Variants in ZNF729 observed in about 807,000 individuals in gnomAD.
ZNF729 encodes zinc finger protein 729.
Under a neutral mutation model 12.2 loss-of-function variants are expected in ZNF729, and 15 were observed. The observed-to-expected ratio is 1.23, with a 90% CI of 0.82 to 1.89. The LOEUF (loss-of-function observed/expected upper bound fraction) is 1.89, where lower values mean the gene tolerates loss of function less well. ZNF729 is among the 40% of genes most tolerant of loss of function. The pLI is 0.00. For synonymous variants in ZNF729, 492 were observed against 476.3 expected, an observed-to-expected ratio of 1.03 and a Z score of -0.43; for missense variants, 1,540 against 1,456.7, an observed-to-expected ratio of 1.06 and a Z score of -0.93.
At chr19:22,302,310 C>G (rs899269602) in intron 1 of ZNF729, among the ~76,000 whole-genome samples, 31 of 152,298 alleles carry the variant, frequency 2.0e-4, no homozygotes, top group African/African-American at 7.0e-4. Context: ...AACTTATAGT[C>G]TAGACTAGCA....
chr19:22,306,118 A>C (rs768073416), intron 3 of ZNF729, among the ~76,000 whole-genome samples: 4 of 152,106 alleles, frequency 2.6e-5, no homozygotes, highest in Non-Finnish European at 5.9e-5. Context: ...TAGTTTAAAA[A>C]ATTTATATTT....
rs757348677 is a variant in ZNF729, at chr19:22,314,843, A to G, written c.1426A>G (p.Thr476Ala). 16 of 1,613,606 alleles carry G rather than the reference A, an allele frequency of 9.9e-6. No individual in the cohort carries two copies. The Admixed American group carries it at 1.7e-4, about 17-fold the overall frequency. The change falls in exon 4 of 4, where the codon ACT becomes GCT. Residue 476 changes from threonine (T) to alanine (A), a missense_variant. Physicochemically the swap from Thr to Ala is moderately conservative, Grantham distance 58. Transcript: ENST00000601693. ...GKAFRQSSHLTRHKAIHTGEK... is the reference protein window; with the variant it reads ...GKAFRQSSHLARHKAIHTGEK... Reference sequence around the variant, plus strand: ...AGCTTTTAGGCAATCCTCACACCTTACTAGACATAAAGCAATTCATACTGG... The same window carrying G: ...AGCTTTTAGGCAATCCTCACACCTTGCTAGACATAAAGCAATTCATACTGG...
At position 22,303,847 on chromosome 19, in the gene ZNF729, T is replaced by C; in HGVS notation, c.120T>C (p.Asp40=). The C allele has an allele frequency of 2.5e-6, 4 of 1,573,720 alleles. No individual in the cohort carries two copies. Among genetic ancestry groups the C allele is most frequent in the Non-Finnish European group, 3.5e-6 (4 of 1,154,940 alleles). ...CGGTTCAGCAGAATTTATATAGGGA[T>C]GTGATGTTAGAGAACTACAGAAACC... ...LDTVQQNLYR[D]VMLENYRNLV... is the part of the protein sequence containing the mutation. The change falls in exon 2 of 4, where the codon GAT becomes GAC. Residue 40 remains aspartate (D), a synonymous_variant. Coordinates refer to ENST00000601693, the MANE Select transcript of ZNF729 (RefSeq NM_001242680.2).
At chr19:22,303,622 T>C (rs1599756048) in intron 1 of ZNF729, 136 bp from the exon 2 acceptor site, 3 of 758,844 alleles carry the variant, frequency 4.0e-6, no homozygotes, top group Non-Finnish European at 3.8e-6. Context: ...GAAAATTATT[T>C]TATTGGATAT....
At chr19:22,312,686 A>G (rs1279581632) in intron 3 of ZNF729, among the ~76,000 whole-genome samples, 2 of 152,084 alleles carry the variant, frequency 1.3e-5, no homozygotes, top group Non-Finnish European at 2.9e-5. Context: ...GAAGCCAGAA[A>G]TAAATATATA....
intron 1 of ZNF729, among the ~76,000 whole-genome samples, chr19:22,293,680 G>T (rs931619768): frequency 2.0e-5 from 3 of 151,526 alleles, no homozygotes; most frequent in Non-Finnish European, 2.9e-5. Context: ...TTTTAGTAAA[G>T]ACAGGGTTTC....
rs1968484936 is a variant in ZNF729, at chr19:22,314,002, A to C, written c.585A>C (p.Leu195Phe). ...CSKSFFMLSC[L>F]IRHKRIHIRQ... The stretch of plus-strand genomic sequence containing the variant: ...AATCATTTTTCATGCTTTCATGCTT[A>C]ATTCGACATAAGAGAATTCATATTA... The change falls in exon 4 of 4, where the codon TTA becomes TTC. Residue 195 changes from leucine to phenylalanine, a missense_variant. Leu to Phe is a conservative substitution (Grantham distance 22, BLOSUM62 0). Transcript: ENST00000601693. The C allele has an allele frequency of 6.5e-7, 1 of 1,540,800 alleles. No individual in the cohort carries two copies. The highest frequency in any genetic ancestry group is 8.7e-7 in the Non-Finnish European group (1 of 1,146,282).
At chr19:22,302,321 A>G (rs1968320077) in intron 1 of ZNF729, among the ~76,000 whole-genome samples, 1 of 152,312 alleles carries the variant, frequency 6.6e-6, no homozygotes. Context: ...TAGACTAGCA[A>G]CTGGGTACAT....
At position 22,315,658 on chromosome 19, in the gene ZNF729, A is replaced by G. The variant is rs1488894925; in HGVS notation, c.2241A>G (p.Lys747=). 6.2e-7 allele frequency: 1 copy of G among 1,608,596 alleles called. No individual in the cohort carries two copies. The highest frequency in any genetic ancestry group is 1.1e-5 in the South Asian group (1 of 91,008). The change falls in exon 4 of 4, where the codon AAA becomes AAG. Residue 747 remains lysine, a synonymous_variant. Transcript: ENST00000601693. ...CCTGCAAATGTGAAGAATGTGGCAA[A>G]TCTTTTAAGCATTTCTCAGCCCTTA... ...EKPCKCEECG[K]SFKHFSALRK...
At chr19:22,312,984 A>AT in intron 3 of ZNF729, among the ~76,000 whole-genome samples, 1 of 152,142 alleles carries the variant, frequency 6.6e-6, no homozygotes, top group South Asian at 2.1e-4. Context: ...AAGTGCTGGG[A>AT]TTACAGGCAT....
At chr19:22,303,636 C>G (rs1446408310) in intron 1 of ZNF729, 122 bp from the exon 2 acceptor site, 2 of 862,024 alleles carry the variant, frequency 2.3e-6, no homozygotes, top group Non-Finnish European at 3.3e-6. Flanking sequence ...TGGATATGTT[C>G]GGTCATCCCT....
At chr19:22,312,519 C>G (rs1487596810) in intron 3 of ZNF729, among the ~76,000 whole-genome samples, 1 of 151,250 alleles carries the variant, frequency 6.6e-6, no homozygotes, top group African/African-American at 2.4e-5. Context: ...CAATAGTAAT[C>G]ACTTGCTACA....
intron 1 of ZNF729, among the ~76,000 whole-genome samples, chr19:22,293,641 C>T (rs1278125517): frequency 1.3e-5 from 2 of 151,272 alleles, no homozygotes; most frequent in Non-Finnish European, 2.9e-5. Context: ...TATAGGTGTC[C>T]ACCACCACAC....
At position 22,313,853 on chromosome 19, in the gene ZNF729, A is replaced by G. The variant is rs962717719; in HGVS notation, c.436A>G (p.Arg146Gly). 3.8e-6 allele frequency: 6 copies of G among 1,570,810 alleles called. No homozygotes were observed. Among genetic ancestry groups the G allele is most frequent in the African/African-American group, 1.4e-5 (1 of 73,986 alleles). The change falls in exon 4 of 4, where the codon AGG (arginine) becomes GGG (glycine). Residue 146 changes from arginine (R) to glycine (G), a missense_variant. Arg to Gly is a moderately radical substitution (Grantham distance 125). Coordinates refer to ENST00000601693, the MANE Select transcript of ZNF729 (RefSeq NM_001242680.2). ...AGGTTATAATAAACTTAACCAATGCAGGACAGCTACCCAGAGAAAAATATT... is the reference window on the plus strand; with the variant it reads ...AGGTTATAATAAACTTAACCAATGCGGGACAGCTACCCAGAGAAAAATATT... Reference protein sequence around the residue: ...KEGYNKLNQCRTATQRKIFQC... With the variant: ...KEGYNKLNQCGTATQRKIFQC...
Position 22,316,169 on chromosome 19 carries a change from A to G in ZNF729, c.2752A>G (p.Lys918Glu). 6.3e-7 allele frequency: 1 copy of G among 1,581,190 alleles called. No individual in the cohort carries two copies. The highest frequency in any genetic ancestry group is 8.7e-7 in the Non-Finnish European group (1 of 1,154,978). The part of the protein sequence containing the change: ...CKCEECGKAF[K>E]HFSALRKHKI... ...ATGTGAAGAATGTGGCAAAGCTTTT[A>G]AGCATTTCTCAGCCCTTAGAAAACA... The change falls in exon 4 of 4, where the codon AAG becomes GAG. Residue 918 changes from lysine to glutamate, a missense_variant. Physicochemically the swap from Lys to Glu is moderately conservative, Grantham distance 56. Transcript: ENST00000601693.
chr19:22,286,557 T>C lies in ZNF729; in HGVS notation c.30+2T>C. 1.2e-6 allele frequency: 2 copies of C among 1,613,556 alleles called. No individual in the cohort carries two copies. Among genetic ancestry groups the C allele is most frequent in the Non-Finnish European group, 1.7e-6 (2 of 1,179,904 alleles). On this transcript the variant is annotated splice_donor_variant, in intron 1 of 3. Coordinates refer to ENST00000601693, the MANE Select transcript of ZNF729 (RefSeq NM_001242680.2). LOFTEE classifies it high-confidence loss of function. Reference sequence around the variant, plus strand: ...GGTGCCCCTGGCAGCCTAGAAATGGTGAGAGTGCCGGGTCCGACATCCCGA... The same window carrying C: ...GGTGCCCCTGGCAGCCTAGAAATGGCGAGAGTGCCGGGTCCGACATCCCGA...
intron 1 of ZNF729, among the ~76,000 whole-genome samples, chr19:22,291,890 C>T (rs1430884153): frequency 3.3e-5 from 5 of 152,090 alleles, no homozygotes; most frequent in South Asian, 2.1e-4. Context: ...GCTGCCACCA[C>T]GCCCCGCTAA....
intron 3 of ZNF729, among the ~76,000 whole-genome samples, chr19:22,306,229 A>G (rs1224464540): frequency 4.6e-5 from 7 of 152,224 alleles, no homozygotes; most frequent in Non-Finnish European, 8.8e-5. Context: ...TCACGAGGTC[A>G]GGAGTTCAAG....
chr19:22,303,164 C>G (rs1968335460), intron 1 of ZNF729, among the ~76,000 whole-genome samples: 1 of 152,122 alleles, frequency 6.6e-6, no homozygotes, highest in Non-Finnish European at 1.5e-5. Flanking sequence ...TTGCATATAT[C>G]TATCTTTGGA....
Sources: allele counts gnomAD v4.1 joint callset (sites outside exome capture counted in the v4.1 genomes callset), GRCh38; gene constraint gnomAD v4.1.1; transcripts MANE v1.5; gene names NCBI Gene and HGNC (gene_info 2026-07-23, HGNC 2026-07-21).